GALNT13: variants seen among roughly 807,000 people sequenced by gnomAD.
The protein encoded by GALNT13 is UDP-GalNAc:polypeptide N-acetylgalactosaminyltransferase 13.
In GALNT13, 28 loss-of-function variants were observed where a neutral mutation model predicts 64.2. The ratio of observed to expected loss-of-function variants is 0.44; its 90% CI spans 0.32 to 0.60. The LOEUF (loss-of-function observed/expected upper bound fraction) is 0.60. Ranked by LOEUF, GALNT13 falls within the 20% of genes least tolerant of loss-of-function variation. The pLI, the probability that GALNT13 is intolerant of heterozygous loss-of-function variation, is 0.05. For synonymous variants in GALNT13, 214 were observed against 224.6 expected, an observed-to-expected ratio of 0.95 and a Z score of 0.42; for missense variants, 577 against 669.8, an observed-to-expected ratio of 0.86 and a Z score of 1.53.
At chr2:153,133,399 A>C in the GALNT13 span, among the ~76,000 whole-genome samples, 2 of 152,004 alleles carry the variant, frequency 1.3e-5, no homozygotes, top group African/African-American at 4.8e-5. Context: ...TAGGAGCCTG[A>C]CCTCTCCTGT....
the GALNT13 span, among the ~76,000 whole-genome samples, chr2:153,463,441 G>A: frequency 6.6e-6 from 1 of 151,990 alleles, no homozygotes; most frequent in Admixed American, 6.6e-5. Context: ...ACAGGGAGAA[G>A]CAGAAATATA....
the GALNT13 span, among the ~76,000 whole-genome samples, chr2:153,126,843 A>T: frequency 1.3e-5 from 2 of 152,110 alleles, no homozygotes; most frequent in East Asian, 1.9e-4. Flanking sequence ...CACATCTCTG[A>T]ATATTTTATC....
chr2:153,596,577 A>T, the GALNT13 span, among the ~76,000 whole-genome samples: 1 of 152,116 alleles, frequency 6.6e-6, no homozygotes, highest in Admixed American at 6.6e-5. Context: ...AATTATTATA[A>T]ACATGGCAAT....
chr2:153,350,644 A>G, the GALNT13 span, among the ~76,000 whole-genome samples: 1 of 152,014 alleles, frequency 6.6e-6, no homozygotes, highest in African/African-American at 2.4e-5. Context: ...CAGCTTCCCA[A>G]AGTGCTGGGA....
chr2:154,004,042 A>C (rs1696089251), intron 3 of GALNT13, among the ~76,000 whole-genome samples: 1 of 152,174 alleles, frequency 6.6e-6, no homozygotes, highest in Non-Finnish European at 1.5e-5. Flanking sequence ...TAATTTTTCT[A>C]ATTAAAGGAC....
At chr2:153,470,929 A>T in the GALNT13 span, among the ~76,000 whole-genome samples, 3 of 152,192 alleles carry the variant, frequency 2.0e-5, no homozygotes, top group Non-Finnish European at 2.9e-5. Context: ...CTGAATTTGT[A>T]GAAAATTATA....
At chr2:153,917,954 G>C (rs940691839) in intron 2 of GALNT13, among the ~76,000 whole-genome samples, 3 of 151,554 alleles carry the variant, frequency 2.0e-5, no homozygotes, top group African/African-American at 7.3e-5. Context: ...CTAGCTTACA[G>C]CAAAATTACT....
At chr2:153,252,773 G>T in the GALNT13 span, among the ~76,000 whole-genome samples, 2 of 152,180 alleles carry the variant, frequency 1.3e-5, no homozygotes, top group Non-Finnish European at 2.9e-5. Flanking sequence ...TCAAAGATCT[G>T]ATAGTTGTAG....
chr2:153,462,329 A>C, the GALNT13 span, among the ~76,000 whole-genome samples: 3 of 152,132 alleles, frequency 2.0e-5, no homozygotes, highest in Non-Finnish European at 4.4e-5. Flanking sequence ...TTTAAATTTA[A>C]AATTATTTGA....
the GALNT13 span, among the ~76,000 whole-genome samples, chr2:153,630,788 TATATATATATATATATATA>T: frequency 1.5e-3 from 17 of 11,124 alleles, 1 homozygote; most frequent in African/African-American, 4.6e-3. Flanking sequence ...TATATATATA[TATATATATATATATATATA>T]TTTTTTTTTT....
chr2:153,214,056 TA>T, the GALNT13 span, among the ~76,000 whole-genome samples: 1 of 152,210 alleles, frequency 6.6e-6, no homozygotes, highest in Admixed American at 6.5e-5. Flanking sequence ...TTAGGTATGC[TA>T]AAAAATTTGT....
chr2:153,806,430 A>G, the GALNT13 span, among the ~76,000 whole-genome samples: 1 of 152,088 alleles, frequency 6.6e-6, no homozygotes, highest in African/African-American at 2.4e-5. Context: ...ACAGAGGAGA[A>G]GCGTGTCTCT....
At chr2:153,678,533 G>A in the GALNT13 span, among the ~76,000 whole-genome samples, 1 of 151,992 alleles carries the variant, frequency 6.6e-6, no homozygotes, top group African/African-American at 2.4e-5. Flanking sequence ...ACTTGAAGGT[G>A]GGGCATGGAA....
At chr2:154,310,929 GTTA>G (rs765903508) in intron 9 of GALNT13, among the ~76,000 whole-genome samples, 4 of 151,694 alleles carry the variant, frequency 2.6e-5, no homozygotes, top group Admixed American at 6.6e-5. Flanking sequence ...ACAATTAGCT[GTTA>G]TTATTATTCA....
the GALNT13 span, among the ~76,000 whole-genome samples, chr2:153,833,316 A>G: frequency 7.9e-5 from 12 of 152,268 alleles, no homozygotes; most frequent in East Asian, 2.3e-3. Flanking sequence ...TAAAAGTAGA[A>G]ACATGAAAGT....
chr2:153,749,928 A>C, the GALNT13 span, among the ~76,000 whole-genome samples: 2 of 151,846 alleles, frequency 1.3e-5, no homozygotes, highest in Non-Finnish European at 2.9e-5. Flanking sequence ...AAAGACTTTC[A>C]GTTTTTCCCC....
At chr2:153,270,529 C>T in the GALNT13 span, among the ~76,000 whole-genome samples, 1 of 152,180 alleles carries the variant, frequency 6.6e-6, no homozygotes, top group Non-Finnish European at 1.5e-5. Flanking sequence ...GTCAAAGCTT[C>T]TTTTGCTTTG....
chr2:153,265,605 T>C, the GALNT13 span, among the ~76,000 whole-genome samples: 6 of 152,212 alleles, frequency 3.9e-5, no homozygotes, highest in Admixed American at 2.0e-4. Context: ...CTTTAGTGTC[T>C]ATTTCTTTAA....
At chr2:153,403,893 G>GTCGC in the GALNT13 span, among the ~76,000 whole-genome samples, 1 of 152,172 alleles carries the variant, frequency 6.6e-6, no homozygotes. Context: ...CGTCTTCTGC[G>GTCGC]TCGCTCACAC....
Sources: gnomAD v4.1 joint callset for allele counts (sites outside exome capture counted in the v4.1 genomes callset) on GRCh38, gnomAD v4.1.1 for gene constraint, MANE v1.5 for transcripts, NCBI Gene and HGNC (gene_info 2026-07-23, HGNC 2026-07-21) for gene names.